RIMKLB: variants seen among roughly 807,000 people sequenced by gnomAD.
RIMKLB encodes ribosomal modification protein rimK like family member B.
A neutral mutation model predicts 32.0 loss-of-function variants in RIMKLB; 7 were observed. That is an observed-to-expected ratio of 0.22 (90% CI 0.12 to 0.41). The LOEUF (loss-of-function observed/expected upper bound fraction) is 0.41, where lower values mean the gene tolerates loss of function less well. Ranked by LOEUF, RIMKLB falls within the 10% of genes least tolerant of loss-of-function variation. RIMKLB has a pLI of 1.00. For missense variants in RIMKLB, 289 were observed against 498.7 expected, an observed-to-expected ratio of 0.58 and a Z score of 4.00; for synonymous variants, 172 against 185.1, an observed-to-expected ratio of 0.93 and a Z score of 0.57.
chr12:8,751,643 G>T (rs1032762759), intron 3 of RIMKLB, among the ~76,000 whole-genome samples: 1 of 152,030 alleles, frequency 6.6e-6, no homozygotes, highest in Admixed American at 6.6e-5. Flanking sequence ...GTAAATCTTG[G>T]GGCTTCTGTT....
chr12:8,760,212 C>A (rs781307957), intron 5 of RIMKLB, among the ~76,000 whole-genome samples: 1 of 151,940 alleles, frequency 6.6e-6, no homozygotes, highest in African/African-American at 2.4e-5. Context: ...TTTGTCCTTG[C>A]GATAGTTTGC....
chr12:8,732,261 A>G (rs1031083031), intron 2 of RIMKLB, among the ~76,000 whole-genome samples: 6 of 152,028 alleles, frequency 3.9e-5, no homozygotes, highest in African/African-American at 1.4e-4. Context: ...GGTGATTCCT[A>G]CTTGCCCTTT....
chr12:8,754,506 T>G (rs370401144), intron 5 of RIMKLB, among the ~76,000 whole-genome samples: 4 of 152,242 alleles, frequency 2.6e-5, no homozygotes, highest in South Asian at 2.1e-4. Flanking sequence ...TTTTCTCAGA[T>G]CTCTTATTGT....
chr12:8,717,780 C>T (rs1046219206), intron 2 of RIMKLB, among the ~76,000 whole-genome samples: 8 of 152,144 alleles, frequency 5.3e-5, no homozygotes, highest in East Asian at 1.9e-4. Context: ...ATTAATCTCT[C>T]GGAATTATGG....
chr12:8,761,732 CCTGT>C (rs760365187), intron 5 of RIMKLB, among the ~76,000 whole-genome samples: 2 of 152,142 alleles, frequency 1.3e-5, no homozygotes, highest in African/African-American at 2.4e-5. Flanking sequence ...TCCAGCTAGT[CCTGT>C]CTGTCAGTCC....
At chr12:8,744,544 C>A (rs1166703151) in intron 2 of RIMKLB, among the ~76,000 whole-genome samples, 2 of 151,134 alleles carry the variant, frequency 1.3e-5, no homozygotes, top group Non-Finnish European at 2.9e-5. Context: ...TCAAGCTTTT[C>A]TCAAAATTTA....
chr12:8,740,360 C>T (rs2137480850), intron 2 of RIMKLB, among the ~76,000 whole-genome samples: 1 of 152,142 alleles, frequency 6.6e-6, no homozygotes, highest in South Asian at 2.1e-4. Flanking sequence ...TTTTTTATTT[C>T]AGTAGTTTTT....
chr12:8,679,537 TA>T, upstream of RIMKLB: 1 of 167,968 alleles, frequency 6.0e-6, no homozygotes, highest in Non-Finnish European at 1.3e-5. Flanking sequence ...TTGGAAAAGT[TA>T]AAGCCTTCCT....
intron 1 of RIMKLB, among the ~76,000 whole-genome samples, chr12:8,686,032 T>A (rs10082851): frequency 0.03 from 4,595 of 152,162 alleles, 232 homozygotes; most frequent in African/African-American, 0.1. Flanking sequence ...GGTCTCGAGC[T>A]CTTGACCTTG....
the RIMKLB span, among the ~76,000 whole-genome samples, chr12:8,669,883 C>T: frequency 4.6e-5 from 7 of 151,538 alleles, no homozygotes; most frequent in Middle Eastern, 3.2e-3. Context: ...AAAAATTAGC[C>T]GGGCGTGGTG....
intron 2 of RIMKLB, among the ~76,000 whole-genome samples, chr12:8,731,118 C>T (rs1425144744): frequency 2.1e-5 from 3 of 142,958 alleles, no homozygotes; most frequent in Admixed American, 6.8e-5. Flanking sequence ...TTCTTTGAGA[C>T]GGAGTTTCGC....
At chr12:8,715,666 A>C (rs1565567039) in intron 2 of RIMKLB, among the ~76,000 whole-genome samples, 1 of 152,192 alleles carries the variant, frequency 6.6e-6, no homozygotes, top group Non-Finnish European at 1.5e-5. Flanking sequence ...ATAAGAGTCT[A>C]CTTCATTTTT....
the RIMKLB span, among the ~76,000 whole-genome samples, chr12:8,674,432 G>A: frequency 1.1e-3 from 162 of 151,782 alleles, 1 homozygote; most frequent in African/African-American, 3.7e-3. Flanking sequence ...GTAGAGATGG[G>A]GTTTCACCGT....
chr12:8,732,756 T>TATATACAC (rs1213499853), intron 2 of RIMKLB, among the ~76,000 whole-genome samples: 1 of 150,048 alleles, frequency 6.7e-6, no homozygotes, highest in African/African-American at 2.5e-5. Context: ...TATATATATA[T>TATATACAC]ACACACACAC....
intron 2 of RIMKLB, among the ~76,000 whole-genome samples, chr12:8,748,622 A>ATTT (rs747952130): frequency 1.2e-4 from 17 of 138,200 alleles, no homozygotes; most frequent in Middle Eastern, 3.8e-3. Flanking sequence ...TATATATATA[A>ATTT]TTTTTTTTTT....
intron 4 of RIMKLB, 36 bp downstream of exon 4, chr12:8,752,079 A>G (rs778305968): frequency 2.0e-5 from 27 of 1,327,886 alleles, no homozygotes; most frequent in Non-Finnish European, 2.3e-5. Context: ...TATAGTTTTG[A>G]AACTATTCTT....
chr12:8,680,194 T>C (rs1012688674), upstream of RIMKLB, among the ~76,000 whole-genome samples: 7 of 152,204 alleles, frequency 4.6e-5, no homozygotes, highest in Non-Finnish European at 8.8e-5. Flanking sequence ...CTCACTCTGA[T>C]GCCCACGCTG....
intron 4 of RIMKLB, among the ~76,000 whole-genome samples, chr12:8,752,501 G>A (rs2969095): frequency 0.18 from 26,568 of 151,254 alleles, 2,630 homozygotes; most frequent in Middle Eastern, 0.31. Flanking sequence ...GCAGTGAGCC[G>A]AGATCACACC....
intron 1 of RIMKLB, among the ~76,000 whole-genome samples, chr12:8,707,277 C>CT (rs1339593762): frequency 1.3e-5 from 2 of 152,174 alleles, no homozygotes; most frequent in East Asian, 3.9e-4. Flanking sequence ...AGCCAGAAGG[C>CT]TGACTGGCTT....
Sources: allele counts gnomAD v4.1 joint callset (sites outside exome capture counted in the v4.1 genomes callset), GRCh38; gene constraint gnomAD v4.1.1; transcripts MANE v1.5; gene names NCBI Gene and HGNC (gene_info 2026-07-23, HGNC 2026-07-21).